OPA1: variants seen among roughly 807,000 people sequenced by gnomAD.
The protein encoded by OPA1 is dynamin-like GTPase OPA1, mitochondrial.
In OPA1, 59 loss-of-function variants were observed where a neutral mutation model predicts 152.9. The observed-to-expected ratio is 0.39, with a 90% CI of 0.31 to 0.48. The LOEUF (loss-of-function observed/expected upper bound fraction) is 0.48. Among genes scored for constraint, OPA1 ranks in the 20% least tolerant of loss-of-function variants. The probability of loss-of-function intolerance (pLI) is 0.96; values close to 1 mark genes in which losing one functional copy is unlikely to be tolerated. For missense variants in OPA1, 1,008 were observed against 1,216.8 expected (o/e 0.83, Z 2.55); for synonymous variants, 400 against 389.9 (o/e 1.03, Z -0.31).
chr3:193,631,733 T>C (rs1732110800), intron 8 of OPA1, 68 bp downstream of exon 8: 1 of 1,371,446 alleles, frequency 7.3e-7, no homozygotes, highest in South Asian at 1.2e-5. Context: ...TTTGGTGATA[T>C]GGACATTTAT....
chr3:193,662,272 A>T (rs1715459863), intron 25 of OPA1, among the ~76,000 whole-genome samples: 1 of 152,214 alleles, frequency 6.6e-6, no homozygotes. Flanking sequence ...AGAAGGACAG[A>T]TACCTCACAG....
chr3:193,681,826 G>A (rs71316213), intron 29 of OPA1, among the ~76,000 whole-genome samples: 3,230 of 152,272 alleles, frequency 0.021, 53 homozygotes, highest in Non-Finnish European at 0.032. Flanking sequence ...CAGTAAACGT[G>A]TGTATTCTGG....
chr3:193,650,663 C>T (rs1712185745), intron 21 of OPA1, among the ~76,000 whole-genome samples: 1 of 151,988 alleles, frequency 6.6e-6, no homozygotes, highest in Non-Finnish European at 1.5e-5. Flanking sequence ...TTAGACATTC[C>T]ACTGTCCTTC....
At chr3:193,606,218 AT>A (rs768111766) in intron 1 of OPA1, among the ~76,000 whole-genome samples, 1 of 151,988 alleles carries the variant, frequency 6.6e-6, no homozygotes, top group Admixed American at 6.6e-5. Context: ...TCTTGATTTG[AT>A]TTTTTTAATA....
Position 193,694,783 on chromosome 3 carries a change from A to G in OPA1, c.*183A>G, listed in dbSNP as rs1722108403. 1 of 152,240 alleles carries G rather than the reference A, an allele frequency of 6.6e-6. No individual in the cohort carries two copies. Among genetic ancestry groups the G allele is most frequent in the Non-Finnish European group, 1.5e-5 (1 of 68,038 alleles). The allele number at this position is 152,240 out of a possible 1,614,324, so 9.4% of individuals were successfully genotyped here. On this transcript the variant is annotated 3_prime_UTR_variant, in exon 31 of 31. Coordinates refer to ENST00000361510, the MANE Select transcript of OPA1 (RefSeq NM_130837.3). ...CATCAGCTGCCTCTCGAATGGAAGAACAGTGGTAATGGATTAACATCCTAT... is the reference window on the plus strand; with the variant it reads ...CATCAGCTGCCTCTCGAATGGAAGAGCAGTGGTAATGGATTAACATCCTAT...
chr3:193,615,370 C>T (rs1728856770), intron 2 of OPA1, among the ~76,000 whole-genome samples: 1 of 152,200 alleles, frequency 6.6e-6, no homozygotes, highest in South Asian at 2.1e-4. Flanking sequence ...GGTCTGGGAC[C>T]AGAGGCAAGG....
chr3:193,612,879 C>G (rs189663247), intron 1 of OPA1, among the ~76,000 whole-genome samples: 3 of 152,162 alleles, frequency 2.0e-5, no homozygotes, highest in African/African-American at 7.2e-5. Flanking sequence ...TGAGTAAACT[C>G]GGAGAGCTCA....
intron 20 of OPA1, chr3:193,648,517 A>G: frequency 2.5e-6 from 1 of 404,306 alleles, no homozygotes; most frequent in Non-Finnish European, 4.5e-6. Flanking sequence ...GATGTACTAA[A>G]TTAATATGTA....
At chr3:193,626,684 C>G (rs1441914713) in intron 7 of OPA1, among the ~76,000 whole-genome samples, 3 of 152,172 alleles carry the variant, frequency 2.0e-5, no homozygotes. Context: ...ATTATTTTGA[C>G]TTTTGGGCAA....
chr3:193,668,525 C>G, intron 29 of OPA1: 7 of 1,549,012 alleles, frequency 4.5e-6, no homozygotes, highest in Non-Finnish European at 6.1e-6. Flanking sequence ...TAGCCTCTGC[C>G]CGACCCCAGA....
At chr3:193,694,437 T>A (rs2109474294) in intron 30 of OPA1, among the ~76,000 whole-genome samples, 169 bp from the exon 31 acceptor site, 2 of 152,312 alleles carry the variant, frequency 1.3e-5, no homozygotes, top group South Asian at 2.1e-4. Context: ...GATAAAAAAA[T>A]TATGCCAATA....
chr3:193,628,215 T>C (rs1722599088), intron 7 of OPA1, among the ~76,000 whole-genome samples: 1 of 152,072 alleles, frequency 6.6e-6, no homozygotes, highest in South Asian at 2.1e-4. Context: ...TCTCTTATCT[T>C]CTTGAAAGTC....
chr3:193,692,910 C>T (rs1721871518), intron 30 of OPA1, among the ~76,000 whole-genome samples: 1 of 152,256 alleles, frequency 6.6e-6, no homozygotes, highest in Admixed American at 6.5e-5. Context: ...GCTCATGCCA[C>T]CATGCCCAGC....
At chr3:193,621,190 A>G (rs141320492) in intron 6 of OPA1, among the ~76,000 whole-genome samples, 93 of 152,358 alleles carry the variant, frequency 6.1e-4, no homozygotes, top group Middle Eastern at 3.4e-3. Context: ...AGTAATAATA[A>G]TTGAAAAACA....
At chr3:193,606,612 C>T (rs1410448322) in intron 1 of OPA1, among the ~76,000 whole-genome samples, 2 of 152,176 alleles carry the variant, frequency 1.3e-5, no homozygotes, top group Non-Finnish European at 2.9e-5. Flanking sequence ...TTTTTTATGG[C>T]TCCATAGTAT....
chr3:193,678,585 T>C (rs1232088033), intron 29 of OPA1, among the ~76,000 whole-genome samples: 9 of 152,220 alleles, frequency 5.9e-5, no homozygotes, highest in African/African-American at 1.9e-4. Flanking sequence ...AGATTTTTTT[T>C]CATTTTCTTC....
chr3:193,655,408 A>G (rs565283510), intron 22 of OPA1, among the ~76,000 whole-genome samples: 2 of 152,326 alleles, frequency 1.3e-5, no homozygotes, highest in African/African-American at 4.8e-5. Flanking sequence ...TAGATGAAGC[A>G]TTTCATCTGA....
chr3:193,669,783 C>T (rs891635802), intron 29 of OPA1, among the ~76,000 whole-genome samples: 2 of 152,120 alleles, frequency 1.3e-5, no homozygotes, highest in African/African-American at 4.8e-5. Context: ...GGCTTTGCAA[C>T]CCCATTACTC....
At chr3:193,606,693 T>G (rs1391862997) in intron 1 of OPA1, among the ~76,000 whole-genome samples, 1 of 152,194 alleles carries the variant, frequency 6.6e-6, no homozygotes. Flanking sequence ...TGGTTCCAAG[T>G]CTTTGCTATT....
Sources: gnomAD v4.1 joint callset for allele counts (sites outside exome capture counted in the v4.1 genomes callset) on GRCh38, gnomAD v4.1.1 for gene constraint, MANE v1.5 for transcripts, NCBI Gene and HGNC (gene_info 2026-07-23, HGNC 2026-07-21) for gene names.